Variants in SNX24 observed in about 807,000 individuals in gnomAD.
The protein encoded by SNX24 is sorting nexin 24.
In SNX24, 22 loss-of-function variants were observed where a neutral mutation model predicts 28.7. The observed-to-expected ratio is 0.77, with a 90% CI of 0.55 to 1.10. The LOEUF (loss-of-function observed/expected upper bound fraction) is 1.10. SNX24 is among the 50% of genes least tolerant of loss of function. The pLI is 0.00. For synonymous variants in SNX24, 69 were observed against 71.5 expected, an observed-to-expected ratio of 0.96 and a Z score of 0.18; for missense variants, 221 against 201.1, an observed-to-expected ratio of 1.10 and a Z score of -0.60.
intron 3 of SNX24, among the ~76,000 whole-genome samples, chr5:122,970,884 C>T (rs1760930777): frequency 6.6e-6 from 1 of 152,146 alleles, no homozygotes. Flanking sequence ...TCTCTGTTTG[C>T]CAAGGCACCC....
At chr5:122,865,793 T>C (rs1248621620) in intron 1 of SNX24, among the ~76,000 whole-genome samples, 1 of 152,226 alleles carries the variant, frequency 6.6e-6, no homozygotes, top group Admixed American at 6.5e-5. Context: ...ACTGTCTTTA[T>C]TCTCCAAATA....
chr5:123,020,769 T>C (rs2150186938), intron 5 of SNX24, among the ~76,000 whole-genome samples: 1 of 130,630 alleles, frequency 7.7e-6, no homozygotes, highest in East Asian at 2.1e-4. Flanking sequence ...ATGATGTTTG[T>C]TTTCGGAACC....
At chr5:122,856,885 C>T (rs1416894176) in intron 1 of SNX24, among the ~76,000 whole-genome samples, 1 of 152,114 alleles carries the variant, frequency 6.6e-6, no homozygotes, top group Non-Finnish European at 1.5e-5. Context: ...GTCTTCCATT[C>T]GGTGCTGCAG....
chr5:122,879,784 G>A (rs777249312), intron 1 of SNX24, among the ~76,000 whole-genome samples: 1 of 152,150 alleles, frequency 6.6e-6, no homozygotes, highest in Non-Finnish European at 1.5e-5. Context: ...GCCTCCCAAA[G>A]TGCTGAGATT....
chr5:122,890,768 G>T (rs1756936196), intron 1 of SNX24, among the ~76,000 whole-genome samples: 1 of 152,156 alleles, frequency 6.6e-6, no homozygotes, highest in African/African-American at 2.4e-5. Context: ...ACCGCACCCG[G>T]CCTAGAGGGA....
chr5:122,993,485 A>G (rs1761941953), intron 3 of SNX24, among the ~76,000 whole-genome samples: 1 of 152,012 alleles, frequency 6.6e-6, no homozygotes. Flanking sequence ...ATTTTTTAAT[A>G]GATACGGGGT....
chr5:122,946,350 G>C (rs1008388641), intron 3 of SNX24, among the ~76,000 whole-genome samples, 191 bp downstream of exon 3: 3 of 152,144 alleles, frequency 2.0e-5, no homozygotes, highest in Admixed American at 6.5e-5. Flanking sequence ...TTTAAAATTG[G>C]TTCTATGTAT....
At chr5:122,925,329 CT>C (rs1055387760) in intron 1 of SNX24, among the ~76,000 whole-genome samples, 11 of 149,634 alleles carry the variant, frequency 7.4e-5, no homozygotes, top group African/African-American at 2.5e-4. Flanking sequence ...TCTCAACCCC[CT>C]GGGCTCAAGT....
chr5:122,945,630 A>G lies in SNX24; in HGVS notation c.145-425A>G, dbSNP rs963020552. Among the ~76,000 whole-genome samples the G allele has an allele frequency of 3.3e-5, 5 of 152,220 alleles. No homozygotes were observed. In the East Asian group the frequency reaches 9.6e-4, roughly 29 times the overall value. On this transcript the variant is annotated intron_variant, in intron 2 of 6. Coordinates refer to ENST00000261369, the MANE Select transcript of SNX24 (RefSeq NM_014035.4). ...GCATTTCTAGGGACAATACTTATAT[A>G]CAGTTGCATTTTGTTTTGATTTCTT...
intron 5 of SNX24, among the ~76,000 whole-genome samples, chr5:123,016,127 C>T (rs540460449): frequency 1.4e-4 from 21 of 152,260 alleles, no homozygotes; most frequent in Non-Finnish European, 2.9e-4. Flanking sequence ...CCTTATGAAA[C>T]TTACAGAATA....
chr5:122,996,602 A>C (rs955055309), intron 3 of SNX24, among the ~76,000 whole-genome samples: 3 of 152,234 alleles, frequency 2.0e-5, no homozygotes, highest in Admixed American at 2.0e-4. Context: ...CTCAAAGAAA[A>C]GAGAATTAGC....
intron 1 of SNX24, among the ~76,000 whole-genome samples, chr5:122,916,390 C>T (rs1167141191): frequency 6.6e-6 from 1 of 152,174 alleles, no homozygotes; most frequent in African/African-American, 2.4e-5. Flanking sequence ...TAAGGTTTAT[C>T]CTGGGGGGCC....
At chr5:122,852,668 T>G (rs1754978643) in intron 1 of SNX24, among the ~76,000 whole-genome samples, 1 of 152,158 alleles carries the variant, frequency 6.6e-6, no homozygotes, top group African/African-American at 2.4e-5. Flanking sequence ...GACACTTTTC[T>G]CCCTAGAACC....
intron 1 of SNX24, among the ~76,000 whole-genome samples, chr5:122,930,733 ATCT>A (rs1758915317): frequency 6.6e-6 from 1 of 152,158 alleles, no homozygotes; most frequent in Admixed American, 6.6e-5. Flanking sequence ...TTCATCCATG[ATCT>A]TCCTGACGTT....
chr5:122,991,491 G>A (rs559833452), intron 3 of SNX24, among the ~76,000 whole-genome samples: 1 of 152,034 alleles, frequency 6.6e-6, no homozygotes, highest in African/African-American at 2.4e-5. Flanking sequence ...ACAGAGTCTC[G>A]CTCTGTCGCC....
At chr5:123,023,866 C>A in intron 5 of SNX24, 1 of 1,607,862 alleles carries the variant, frequency 6.2e-7, no homozygotes. Context: ...TTGTTTTCTG[C>A]CAGTTGTGTC....
chr5:122,845,826 G>C (rs1754599431), intron 1 of SNX24, 133 bp downstream of exon 1: 1 of 454,058 alleles, frequency 2.2e-6, no homozygotes, highest in African/African-American at 2.1e-5. Flanking sequence ...CCGGCCCAGA[G>C]GAAGGGCTGC....
downstream of SNX24, among the ~76,000 whole-genome samples, chr5:123,010,512 C>T (rs567145439): frequency 1.3e-3 from 202 of 152,290 alleles, 1 homozygote; most frequent in African/African-American, 4.8e-3. Flanking sequence ...TGGTCTTGAA[C>T]TCCTGACCTC....
At chr5:122,905,706 T>C (rs555650769) in intron 1 of SNX24, among the ~76,000 whole-genome samples, 69 of 152,364 alleles carry the variant, frequency 4.5e-4, no homozygotes, top group Admixed American at 2.4e-3. Context: ...TCCTGAGCAC[T>C]AGTTCAAGAT....
Sources: allele counts gnomAD v4.1 joint callset (sites outside exome capture counted in the v4.1 genomes callset), GRCh38; gene constraint gnomAD v4.1.1; transcripts MANE v1.5; gene names NCBI Gene and HGNC (gene_info 2026-07-23, HGNC 2026-07-21).